The following LRTM1 variants were observed in gnomAD, a reference collection of about 807,000 sequenced individuals.
LRTM1 encodes leucine rich repeat transmembrane protein 1.
A neutral mutation model predicts 32.4 loss-of-function variants in LRTM1; 38 were observed. The observed-to-expected ratio is 1.17, with a 90% CI of 0.91 to 1.54. LRTM1 has a LOEUF of 1.54. LRTM1 is among the 40% of genes most tolerant of loss of function. The pLI is 0.00. For missense variants in LRTM1, 466 were observed against 415.4 expected, an observed-to-expected ratio of 1.12 and a Z score of -1.06; for synonymous variants, 186 against 169.9, an observed-to-expected ratio of 1.09 and a Z score of -0.74.
At chr3:54,921,703 G>A (rs1296113921) in intron 2 of LRTM1, among the ~76,000 whole-genome samples, 2 of 152,108 alleles carry the variant, frequency 1.3e-5, no homozygotes, top group Non-Finnish European at 2.9e-5. Context: ...TGACCTTAGA[G>A]GCCACGTGAT....
chr3:54,955,517 C>G (rs1261366355), intron 1 of LRTM1, among the ~76,000 whole-genome samples: 1 of 152,168 alleles, frequency 6.6e-6, no homozygotes, highest in Non-Finnish European at 1.5e-5. Context: ...GAGAGTCCCT[C>G]CCTGCACTTA....
At chr3:54,956,908 C>T (rs1352658486) in intron 1 of LRTM1, among the ~76,000 whole-genome samples, 1 of 151,958 alleles carries the variant, frequency 6.6e-6, no homozygotes, top group Non-Finnish European at 1.5e-5. Context: ...TTTGCCTTTG[C>T]TGTATAGGTT....
chr3:54,931,606 A>G (rs1026841118), upstream of LRTM1, among the ~76,000 whole-genome samples: 1 of 152,154 alleles, frequency 6.6e-6, no homozygotes, highest in African/African-American at 2.4e-5. Context: ...TGGCCCCAAG[A>G]CCTGCCAGGA....
At chr3:54,944,948 G>A (rs1462230409) in intron 1 of LRTM1, among the ~76,000 whole-genome samples, 1 of 152,116 alleles carries the variant, frequency 6.6e-6, no homozygotes, top group African/African-American at 2.4e-5. Context: ...ACTTTTAAGA[G>A]TGAGGCACTA....
chr3:54,932,657 T>C (rs145538116), upstream of LRTM1, among the ~76,000 whole-genome samples: 397 of 152,350 alleles, frequency 2.6e-3, no homozygotes, highest in African/African-American at 9.1e-3. Flanking sequence ...TCTGTCTTTC[T>C]CTGCCAAGGG....
intron 1 of LRTM1, among the ~76,000 whole-genome samples, chr3:54,952,378 CA>C (rs1308127029): frequency 6.6e-6 from 1 of 152,134 alleles, no homozygotes; most frequent in Non-Finnish European, 1.5e-5. Flanking sequence ...AGGCCGCAAA[CA>C]TGAAGGGTCT....
upstream of LRTM1, among the ~76,000 whole-genome samples, chr3:54,931,322 C>T (rs561462496): frequency 6.6e-6 from 1 of 152,292 alleles, no homozygotes; most frequent in South Asian, 2.1e-4. Context: ...ATGGACAATG[C>T]ACACATGGCC....
At chr3:54,958,635 C>A (rs2107039163) in intron 1 of LRTM1, among the ~76,000 whole-genome samples, 1 of 152,288 alleles carries the variant, frequency 6.6e-6, no homozygotes, top group Admixed American at 6.5e-5. Context: ...ATAGCAAAGT[C>A]ATGAAAGTCA....
Position 54,925,067 on chromosome 3 carries a change from A to T in LRTM1, c.156T>A (p.Thr52=), listed in dbSNP as rs750904394. 20 of 1,614,170 alleles carry T rather than the reference A, an allele frequency of 1.2e-5. No homozygotes were observed. Among genetic ancestry groups the T allele is most frequent in the Non-Finnish European group, 1.7e-5 (20 of 1,180,034 alleles). ...AEIPSHLPPQ[T]RTLHLQDNQI... is the part of the protein sequence containing the mutation. ...GATTATCTTGTAAATGCAGCGTTCGAGTCTGAGGAGGTAAATGGGAAGGGA... is the reference window on the plus strand; with the variant it reads ...GATTATCTTGTAAATGCAGCGTTCGTGTCTGAGGAGGTAAATGGGAAGGGA... The change falls in exon 2 of 3, where the codon ACT becomes ACA. Residue 52 remains threonine, a synonymous_variant. Transcript: ENST00000273286.
chr3:54,931,872 A>G (rs1220773091), upstream of LRTM1, among the ~76,000 whole-genome samples: 5 of 152,168 alleles, frequency 3.3e-5, no homozygotes, highest in East Asian at 1.9e-4. Flanking sequence ...CTCCCAGGCA[A>G]TATTACACAG....
intron 1 of LRTM1, among the ~76,000 whole-genome samples, chr3:54,955,839 A>G (rs1455537441): frequency 6.6e-6 from 1 of 152,180 alleles, no homozygotes; most frequent in Admixed American, 6.5e-5. Flanking sequence ...AGACCTGACC[A>G]GCTAAGCCTG....
chr3:54,956,486 C>T (rs552840975), intron 1 of LRTM1, among the ~76,000 whole-genome samples: 108 of 152,276 alleles, frequency 7.1e-4, no homozygotes, highest in African/African-American at 2.6e-3. Context: ...CTTGCATGGG[C>T]CACATGGTCT....
chr3:54,959,870 A>G (rs1191677722), intron 1 of LRTM1, among the ~76,000 whole-genome samples: 4 of 152,218 alleles, frequency 2.6e-5, no homozygotes, highest in African/African-American at 9.6e-5. Flanking sequence ...AGCTGAGGGA[A>G]TATAGGTTTC....
At chr3:54,920,150 A>G (rs573813385) in intron 2 of LRTM1, among the ~76,000 whole-genome samples, 1 of 152,334 alleles carries the variant, frequency 6.6e-6, no homozygotes, top group South Asian at 2.1e-4. Flanking sequence ...AGGAAATTAT[A>G]CCAGAAAGAC....
intron 1 of LRTM1, among the ~76,000 whole-genome samples, chr3:54,961,063 G>C (rs1207305519): frequency 6.6e-6 from 1 of 152,162 alleles, no homozygotes; most frequent in African/African-American, 2.4e-5. Flanking sequence ...TAACTGTTTT[G>C]AAAACAAACA....
At chr3:54,956,364 C>G (rs1023018084) in intron 1 of LRTM1, among the ~76,000 whole-genome samples, 3 of 152,198 alleles carry the variant, frequency 2.0e-5, no homozygotes, top group Non-Finnish European at 4.4e-5. Flanking sequence ...CTTGTTGACC[C>G]ACCACCAAGG....
chr3:54,919,390 G>C (rs1250300521), intron 2 of LRTM1, among the ~76,000 whole-genome samples: 1 of 152,246 alleles, frequency 6.6e-6, no homozygotes, highest in Admixed American at 6.5e-5. Context: ...GTTCAGTGAT[G>C]CCAAATGGAG....
chr3:54,929,224 C>T (rs1386414985), upstream of LRTM1, among the ~76,000 whole-genome samples: 1 of 152,158 alleles, frequency 6.6e-6, no homozygotes, highest in Non-Finnish European at 1.5e-5. Context: ...AACATTAGCC[C>T]TTACTTTACC....
chr3:54,918,980 G>T, intron 2 of LRTM1, 88 bp from the exon 3 acceptor site: 2 of 1,066,654 alleles, frequency 1.9e-6, no homozygotes, highest in Non-Finnish European at 2.5e-6. Flanking sequence ...TAGGCAGATG[G>T]AATTTATGAA....
Sources: allele counts gnomAD v4.1 joint callset (sites outside exome capture counted in the v4.1 genomes callset), GRCh38; gene constraint gnomAD v4.1.1; transcripts MANE v1.5; gene names NCBI Gene and HGNC (gene_info 2026-07-23, HGNC 2026-07-21).